Variants in PKP4 observed in about 807,000 individuals in gnomAD.
The protein encoded by PKP4 is plakophilin 4.
A neutral mutation model predicts 145.1 loss-of-function variants in PKP4; 90 were observed. The observed-to-expected ratio is 0.62, with a 90% CI of 0.52 to 0.74. The LOEUF is 0.74. Ranked by LOEUF, PKP4 falls within the 30% of genes least tolerant of loss-of-function variation. PKP4 has a pLI of 0.00. For synonymous variants in PKP4, 563 were observed against 577.2 expected, an observed-to-expected ratio of 0.98 and a Z score of 0.35; for missense variants, 1,340 against 1,482.7, an observed-to-expected ratio of 0.90 and a Z score of 1.58.
At chr2:158,535,214 C>T (rs1433286409) in intron 2 of PKP4, among the ~76,000 whole-genome samples, 6 of 152,010 alleles carry the variant, frequency 3.9e-5, no homozygotes, top group African/African-American at 1.5e-4. Flanking sequence ...ATGTCACTTC[C>T]TATCATCTAC....
chr2:158,509,297 G>A (rs1249982008), intron 1 of PKP4, among the ~76,000 whole-genome samples: 3 of 152,226 alleles, frequency 2.0e-5, no homozygotes, highest in Non-Finnish European at 4.4e-5. Flanking sequence ...AATATTTTAA[G>A]AGATATAAAC....
At chr2:158,499,005 T>A (rs1224471039) in intron 1 of PKP4, among the ~76,000 whole-genome samples, 2 of 152,160 alleles carry the variant, frequency 1.3e-5, no homozygotes, top group African/African-American at 4.8e-5. Context: ...ATTAGCTCAG[T>A]GCTCCTGGAT....
At chr2:158,615,550 T>G (rs1297255957) in intron 4 of PKP4, among the ~76,000 whole-genome samples, 1 of 152,230 alleles carries the variant, frequency 6.6e-6, no homozygotes, top group Non-Finnish European at 1.5e-5. Context: ...ACACTCATTT[T>G]TATATGACTA....
intron 3 of PKP4, among the ~76,000 whole-genome samples, chr2:158,586,652 A>G (rs775896246): frequency 2.0e-5 from 3 of 152,232 alleles, no homozygotes; most frequent in Non-Finnish European, 2.9e-5. Context: ...TGCAACTCCT[A>G]TTGTAAACAC....
intron 1 of PKP4, among the ~76,000 whole-genome samples, chr2:158,477,313 G>C (rs1692639594): frequency 6.6e-6 from 1 of 152,124 alleles, no homozygotes; most frequent in South Asian, 2.1e-4. Context: ...GAAGGCCTGG[G>C]CTAGGTACCT....
Position 158,625,013 on chromosome 2 carries a change from T to A in PKP4, c.739T>A (p.Ser247Thr). 3 of 1,614,160 alleles carry A rather than the reference T, an allele frequency of 1.9e-6. No homozygotes were observed. Among genetic ancestry groups the A allele is most frequent in the Non-Finnish European group, 2.5e-6 (3 of 1,180,016 alleles). The change falls in exon 7 of 22, where the codon TCT becomes ACT. Residue 247 changes from serine to threonine, a missense_variant. Coordinates refer to ENST00000389759, the MANE Select transcript of PKP4 (RefSeq NM_003628.6). ...AACTTCTCTGGGTAGTGGATTTGGC[T>A]CTCCGTCAGTGACCGACCCCCGACC... ...LRTSLGSGFGSPSVTDPRPLN... is the reference protein window; with the variant it reads ...LRTSLGSGFGTPSVTDPRPLN...
intron 2 of PKP4, among the ~76,000 whole-genome samples, chr2:158,559,541 C>A (rs918355551): frequency 1.3e-5 from 2 of 152,120 alleles, no homozygotes; most frequent in African/African-American, 2.4e-5. Context: ...GGAGGACTTA[C>A]ACCAAGCATT....
At chr2:158,596,992 G>A (rs945252058) in intron 3 of PKP4, among the ~76,000 whole-genome samples, 1 of 152,202 alleles carries the variant, frequency 6.6e-6, no homozygotes, top group African/African-American at 2.4e-5. Flanking sequence ...TATAAGGAGA[G>A]TTAGGTCTTT....
chr2:158,560,199 A>G (rs2046400832), intron 2 of PKP4, among the ~76,000 whole-genome samples: 2 of 152,282 alleles, frequency 1.3e-5, no homozygotes, highest in South Asian at 2.1e-4. Flanking sequence ...CAGGCTGGCT[A>G]TATAAAGAAA....
In PKP4 at chr2:158,680,625, G is replaced by A. The variant is rs142456938; in HGVS notation, c.3527G>A (p.Arg1176Gln). The change falls in exon 22 of 22, where the codon CGA (arginine) becomes CAA (glutamine). Residue 1176 changes from arginine (R) to glutamine (Q), a missense_variant. Arg to Gln is a conservative substitution (Grantham distance 43). Transcript: ENST00000389759. ...TNYVDFYSTK[R>Q]PSYRAEQYPG... ...TATGTAGACTTTTATTCCACTAAAC[G>A]ACCTTCTTATAGAGCAGAACAGTAC... is the stretch of plus-strand genomic sequence containing the variant. The A allele has an allele frequency of 7.1e-4, 1,139 of 1,613,804 alleles. 11 individuals are homozygous for A. In the African/African-American group the frequency reaches 0.014, roughly 20 times the overall value.
intron 1 of PKP4, among the ~76,000 whole-genome samples, chr2:158,505,623 A>G (rs993586553): frequency 2.6e-5 from 4 of 152,070 alleles, no homozygotes; most frequent in Admixed American, 6.6e-5. Context: ...GATAAGCATT[A>G]AGGTGAGAAA....
At chr2:158,483,267 AT>A (rs1387065611) in intron 1 of PKP4, among the ~76,000 whole-genome samples, 1 of 151,626 alleles carries the variant, frequency 6.6e-6, no homozygotes, top group African/African-American at 2.4e-5. Context: ...AATGCATTTT[AT>A]TCAAAGACTC....
At chr2:158,587,126 A>G (rs1236502454) in intron 3 of PKP4, among the ~76,000 whole-genome samples, 2 of 152,190 alleles carry the variant, frequency 1.3e-5, no homozygotes, top group Non-Finnish European at 2.9e-5. Flanking sequence ...AAGAACCACA[A>G]AAAAGATCAG....
At chr2:158,567,727 T>C (rs1166795594) in intron 2 of PKP4, among the ~76,000 whole-genome samples, 1 of 152,018 alleles carries the variant, frequency 6.6e-6, no homozygotes, top group Non-Finnish European at 1.5e-5. Context: ...CAGGAAAAAA[T>C]GTAAGCAGTG....
chr2:158,614,368 G>A (rs1021998187), intron 4 of PKP4, among the ~76,000 whole-genome samples: 2 of 152,146 alleles, frequency 1.3e-5, no homozygotes, highest in African/African-American at 2.4e-5. Flanking sequence ...ACATGGTAAA[G>A]CCAGCAAAAT....
At chr2:158,568,439 A>G (rs748835094) in intron 2 of PKP4, among the ~76,000 whole-genome samples, 2 of 152,208 alleles carry the variant, frequency 1.3e-5, no homozygotes, top group Non-Finnish European at 2.9e-5. Context: ...CACTTTGAGA[A>G]CTACTCCGTG....
intron 11 of PKP4, among the ~76,000 whole-genome samples, chr2:158,657,469 C>T (rs1436990116): frequency 1.3e-5 from 2 of 152,166 alleles, no homozygotes; most frequent in African/African-American, 4.8e-5. Context: ...AAAGGAATGA[C>T]AGTAACGTGT....
intron 4 of PKP4, among the ~76,000 whole-genome samples, chr2:158,614,759 C>T (rs1379803122): frequency 6.6e-6 from 1 of 152,044 alleles, no homozygotes; most frequent in Non-Finnish European, 1.5e-5. Context: ...TTGATATAAA[C>T]ATGCCAAATA....
At chr2:158,542,555 A>T (rs1356420937) in intron 2 of PKP4, among the ~76,000 whole-genome samples, 1 of 152,134 alleles carries the variant, frequency 6.6e-6, no homozygotes, top group African/African-American at 2.4e-5. Context: ...ATTTTTTTTT[A>T]AAAGCAAACT....
Sources: gnomAD v4.1 joint callset for allele counts (sites outside exome capture counted in the v4.1 genomes callset) on GRCh38, gnomAD v4.1.1 for gene constraint, MANE v1.5 for transcripts, NCBI Gene and HGNC (gene_info 2026-07-23, HGNC 2026-07-21) for gene names.